DNAH10: variants seen among roughly 807,000 people sequenced by gnomAD.
DNAH10 encodes the protein axonemal beta dynein heavy chain 10.
DNAH10 carries 348 observed loss-of-function variants against 506.6 expected under a neutral mutation model. The ratio of observed to expected loss-of-function variants is 0.69; its 90% CI spans 0.63 to 0.75. The LOEUF is 0.75. Ranked by LOEUF, DNAH10 falls within the 30% of genes least tolerant of loss-of-function variation. The pLI, the probability that DNAH10 is intolerant of heterozygous loss-of-function variation, is 0.00. For synonymous variants in DNAH10, 2,059 were observed against 2,198.6 expected (o/e 0.94, Z 1.78); for missense variants, 5,179 against 5,787.1 (o/e 0.89, Z 3.41).
chr12:123,891,521 C>G (rs1340145169), intron 52 of DNAH10, among the ~76,000 whole-genome samples: 1 of 152,012 alleles, frequency 6.6e-6, no homozygotes, highest in Admixed American at 6.6e-5. Context: ...CCAGGGAGAG[C>G]CCAGCACTGA....
Position 123,848,804 on chromosome 12 carries a change from T to A in DNAH10, c.6024T>A (p.Asp2008Glu). The A allele has an allele frequency of 2.5e-6, 4 of 1,613,834 alleles. No homozygotes were observed. The East Asian group carries it at 8.9e-5, about 36-fold the overall frequency. The part of the protein sequence containing the change: ...WGCFDEFNRI[D>E]ASVLSVISSQ... The stretch of plus-strand genomic sequence containing the variant: ...GCTTTGATGAGTTTAATCGAATCGA[T>A]GCTTCTGTGCTCTCCGTGATCTCCT... The change falls in exon 34 of 79, where the codon GAT (aspartate) becomes GAA (glutamate). Residue 2008 changes from aspartate (D) to glutamate (E), a missense_variant. Asp to Glu is a conservative substitution (Grantham distance 45, BLOSUM62 2). Transcript: ENST00000673944.
At chr12:123,790,474 A>C (rs1444429270) in intron 11 of DNAH10, among the ~76,000 whole-genome samples, 1 of 152,192 alleles carries the variant, frequency 6.6e-6, no homozygotes, top group East Asian at 1.9e-4. Flanking sequence ...GTTTTTGAGA[A>C]TTGCGTTTTG....
rs1955393637 is a variant in DNAH10, at chr12:123,934,557, A to G, written c.13478-64A>G. 4 of 1,590,948 alleles carry G rather than the reference A, an allele frequency of 2.5e-6. No homozygotes were observed. In the East Asian group the frequency reaches 9.0e-5, roughly 36 times the overall value. On this transcript the variant is annotated intron_variant, in intron 77 of 78. Coordinates refer to ENST00000673944, the MANE Select transcript of DNAH10 (RefSeq NM_001372106.1). ...GTGTGTCGCTGTGTGTGCGCCTGATAGAGCCACTCCGTGGCAGGCTGTGCA... is the reference window on the plus strand; with the variant it reads ...GTGTGTCGCTGTGTGTGCGCCTGATGGAGCCACTCCGTGGCAGGCTGTGCA...
intron 36 of DNAH10, among the ~76,000 whole-genome samples, chr12:123,854,815 C>T (rs1054811069): frequency 6.6e-6 from 1 of 152,204 alleles, no homozygotes; most frequent in Non-Finnish European, 1.5e-5. Context: ...GAGGATTTAG[C>T]ATCTTTTGCT....
At chr12:123,859,649 C>T (rs866159128) in intron 38 of DNAH10, among the ~76,000 whole-genome samples, 100 of 152,232 alleles carry the variant, frequency 6.6e-4, no homozygotes, top group African/African-American at 2.2e-3. Flanking sequence ...GGCCAGAAAA[C>T]GAATGTCACC....
In DNAH10 at chr12:123,800,296, G is replaced by A. The variant is rs202205338; in HGVS notation, c.2370G>A (p.Glu790=). 4 of 1,614,020 alleles carry A rather than the reference G, an allele frequency of 2.5e-6. No individual in the cohort carries two copies. The highest frequency in any genetic ancestry group is 1.7e-6 in the Non-Finnish European group (2 of 1,180,024). The change falls in exon 15 of 79, where the codon GAG becomes GAA. Residue 790 remains glutamate, a synonymous_variant. Coordinates refer to ENST00000673944, the MANE Select transcript of DNAH10 (RefSeq NM_001372106.1). ...TCAACTTTTCACCGGCTCTCAGAGA[G>A]ATTATTAATGAAACAAAGTACTTAG... ...FAINFSPALR[E]IINETKYLEQ...
chr12:123,890,905 G>A (rs1237128470), intron 52 of DNAH10, among the ~76,000 whole-genome samples: 1 of 152,220 alleles, frequency 6.6e-6, no homozygotes, highest in Non-Finnish European at 1.5e-5. Context: ...TTCTGGGCTT[G>A]TGGCATTAGG....
chr12:123,788,070 CT>C, intron 10 of DNAH10, 68 bp downstream of exon 10: 2 of 1,527,884 alleles, frequency 1.3e-6, no homozygotes. Flanking sequence ...CAGTGGCCCC[CT>C]CCGTGTCAGG....
At chr12:123,799,190 A>ATC in intron 13 of DNAH10, 56 bp from the exon 14 acceptor site, 1 of 1,314,900 alleles carries the variant, frequency 7.6e-7, no homozygotes, top group Non-Finnish European at 1.0e-6. Context: ...GTGTAGAGCG[A>ATC]GATGAAAAAT....
intron 24 of DNAH10, among the ~76,000 whole-genome samples, chr12:123,823,561 AG>A (rs1246942948): frequency 3.3e-5 from 5 of 152,234 alleles, no homozygotes; most frequent in Non-Finnish European, 1.5e-5. Context: ...TTAAAAGGAA[AG>A]GTATCATGAG....
In DNAH10 at chr12:123,767,625, T is replaced by C; in HGVS notation, c.234T>C (p.Ser78=). Reference sequence around the variant, plus strand: ...ATAAAGATGAGATACCTGTCCTGTCTGAAGAGGGAGAAGAGGAAGAAGAGA... The same window carrying C: ...ATAAAGATGAGATACCTGTCCTGTCCGAAGAGGGAGAAGAGGAAGAAGAGA... ...EVEIDEIPVL[S]EEGEEEEETY... is the part of the protein sequence containing the mutation. Residue 78 remains serine (S), a synonymous_variant, in exon 2 of 79, where the codon TCT becomes TCC. Transcript: ENST00000673944. 1.9e-6 allele frequency: 3 copies of C among 1,612,768 alleles called. No individual in the cohort carries two copies. Among genetic ancestry groups the C allele is most frequent in the Non-Finnish European group, 2.5e-6 (3 of 1,179,330 alleles).
Position 123,841,487 on chromosome 12 carries a change from A to G in DNAH10, c.5302A>G (p.Arg1768Gly), listed in dbSNP as rs1292545749. The part of the protein sequence containing the change: ...WMTAVLNEMR[R>G]TNRLITKEAI... ...GACGGCAGTTTTGAATGAGATGAGA[A>G]GAACTAATAGACTAATTACCAAAGA... Residue 1768 changes from arginine to glycine, a missense_variant, in exon 30 of 79, where the codon AGA becomes GGA. Around this residue, in one of 3 missense-constraint regions of DNAH10, gnomAD observed 4,844 missense variants for 5,430.5 expected, o/e 0.89. Coordinates refer to ENST00000673944, the MANE Select transcript of DNAH10 (RefSeq NM_001372106.1). 2 of 1,614,010 alleles carry G rather than the reference A, an allele frequency of 1.2e-6. No individual in the cohort carries two copies. Among genetic ancestry groups the G allele is most frequent in the Admixed American group, 1.7e-5 (1 of 60,026 alleles).
chr12:123,867,348 C>CA (rs1951851045), intron 41 of DNAH10, 119 bp from the exon 42 acceptor site: 1 of 1,137,296 alleles, frequency 8.8e-7, no homozygotes, highest in East Asian at 2.5e-5. Flanking sequence ...CCTCACCTGC[C>CA]AAATGTATCA....
chr12:123,787,905 C>T lies in DNAH10; in HGVS notation c.1523C>T (p.Ser508Leu), dbSNP rs145065895. 5.0e-5 allele frequency: 80 copies of T among 1,612,378 alleles called. No homozygotes were observed. The African/African-American group carries it at 5.5e-4, about 11-fold the overall frequency. The change falls in exon 10 of 79, where the codon TCG becomes TTG. Residue 508 changes from serine (S) to leucine (L), a missense_variant. Ser to Leu is a moderately radical substitution (Grantham distance 145, BLOSUM62 -2). Transcript: ENST00000673944. The surrounding 1 kb of genome is among the most constrained non-coding windows in gnomAD (Gnocchi z 4.6). ...YFDTRAKIEA[S>L]GREDRWEFDR... ...GACACCCGGGCCAAGATAGAGGCTT[C>T]GGGGAGGGAAGATCGGTGGGAGTTT... is the stretch of plus-strand genomic sequence containing the variant.
At position 123,789,869 on chromosome 12, in the gene DNAH10, C is replaced by G. The variant is rs974177624; in HGVS notation, c.1621-58C>G. The G allele has an allele frequency of 7.4e-6, 11 of 1,492,546 alleles. No individual in the cohort carries two copies. The African/African-American group carries it at 1.4e-4, about 19-fold the overall frequency. The allele number at this position is 1,492,546 out of a possible 1,614,324, so 92.5% of individuals were successfully genotyped here. ...CTCGATATGCTATCCATTTGTAGTT[C>G]TAATATTCACAGGAAAACCCAAATG... On this transcript the variant is annotated intron_variant, in intron 10 of 78. Transcript: ENST00000673944.
At chr12:123,875,185 A>C in intron 46 of DNAH10, 46 bp from the exon 47 acceptor site, 1 of 1,558,638 alleles carries the variant, frequency 6.4e-7, no homozygotes, top group South Asian at 1.2e-5. Flanking sequence ...TCTGACTCCT[A>C]CTTTGCGATA....
At chr12:123,796,942 C>T in intron 13 of DNAH10, 110 bp downstream of exon 13, 1 of 979,028 alleles carries the variant, frequency 1.0e-6, no homozygotes, top group Non-Finnish European at 1.4e-6. Context: ...GCAATCTCGG[C>T]TCACTGCAAC....
rs751441464 is a variant in DNAH10, at chr12:123,835,517, G to A, written c.4891G>A (p.Val1631Ile). 12 of 1,607,510 alleles carry A rather than the reference G, an allele frequency of 7.5e-6. No individual in the cohort carries two copies. The highest frequency in any genetic ancestry group is 6.8e-5 in the Admixed American group (4 of 59,042). ...EAKKFDNIDKVFKRIMGETLK... is the reference protein window; with the variant it reads ...EAKKFDNIDKIFKRIMGETLK... ...AAAAAAGTTTGACAACATCGATAAAGTATTTAAAAGGGCAAGTGACTCGCT... is the reference window on the plus strand; with the variant it reads ...AAAAAAGTTTGACAACATCGATAAAATATTTAAAAGGGCAAGTGACTCGCT... Residue 1631 changes from valine (V) to isoleucine (I), a missense_variant, in exon 28 of 79, where the codon GTA becomes ATA. This residue lies in a region of DNAH10 where 4,844 missense variants were observed against 5,430.5 expected (regional missense o/e 0.89). Coordinates refer to ENST00000673944, the MANE Select transcript of DNAH10 (RefSeq NM_001372106.1).
intron 13 of DNAH10, among the ~76,000 whole-genome samples, chr12:123,799,036 C>T (rs558697066): frequency 2.1e-5 from 3 of 143,066 alleles, no homozygotes; most frequent in South Asian, 2.1e-4. Flanking sequence ...GCCCGGGAGG[C>T]GAAGGATGTA....
Sources: gnomAD v4.1 joint callset for allele counts (sites outside exome capture counted in the v4.1 genomes callset) on GRCh38, gnomAD v4.1.1 for gene constraint, gnomAD v4.1.1 regional missense constraint, Gnocchi (gnomAD v3.1) non-coding constraint, MANE v1.5 for transcripts, NCBI Gene and HGNC (gene_info 2026-07-23, HGNC 2026-07-21) for gene names.